The following POLD3 variants were observed in gnomAD, a reference collection of about 807,000 sequenced individuals.
POLD3 encodes the protein DNA polymerase delta 3, accessory subunit.
A neutral mutation model predicts 58.2 loss-of-function variants in POLD3; 19 were observed. The observed-to-expected ratio is 0.33, with a 90% CI of 0.23 to 0.48. The LOEUF is 0.48. Ranked by LOEUF, POLD3 falls within the 20% of genes least tolerant of loss-of-function variation. The probability of loss-of-function intolerance (pLI) is 0.99; values close to 1 mark genes in which losing one functional copy is unlikely to be tolerated. For missense variants in POLD3, 504 were observed against 545.5 expected, an observed-to-expected ratio of 0.92 and a Z score of 0.76; for synonymous variants, 172 against 193.5, an observed-to-expected ratio of 0.89 and a Z score of 0.92.
rs913761902 is a variant in POLD3, at chr11:74,656,547, A to G, written c.370-12230A>G. ...GGTTGCAGTGAGCCAAGATCACACC[A>G]TTGCACTCCAGCCTGGACGACAGAA... On this transcript the variant is annotated intron_variant, in intron 4 of 4. Transcript: ENST00000524752. 1.4e-4 allele frequency among the ~76,000 whole-genome samples: 21 copies of G among 151,898 alleles called. 1 individual carries two copies. Among genetic ancestry groups the G allele is most frequent in the African/African-American group, 4.4e-4 (18 of 41,328 alleles).
At chr11:74,644,340 C>T (rs2032974441), downstream of POLD3, among the ~76,000 whole-genome samples, 1 of 152,186 alleles carries the variant, frequency 6.6e-6, no homozygotes, top group Non-Finnish European at 1.5e-5. Flanking sequence ...TGCTGTAATG[C>T]AGCTTTTACC....
Position 74,611,678 on chromosome 11 carries a change from T to A in POLD3, c.259+140T>A, listed in dbSNP as rs1274454049. Reference sequence around the variant, plus strand: ...CCAATATTCATTTTATGAGTAGTTTTTAAAGCATGTTAAAATATGATACTA... The same window carrying A: ...CCAATATTCATTTTATGAGTAGTTTATAAAGCATGTTAAAATATGATACTA... On this transcript the variant is annotated intron_variant, in intron 4 of 11. Coordinates refer to ENST00000263681, the MANE Select transcript of POLD3 (RefSeq NM_006591.3). The A allele has an allele frequency of 5.0e-6, 3 of 604,032 alleles. No individual in the cohort carries two copies. In the African/African-American group the frequency reaches 6.0e-5, roughly 12 times the overall value. 37.4% of individuals were successfully genotyped at this position (604,032 alleles called of 1,614,324 possible). A position where few individuals can be genotyped will look rare whatever the true frequency, so the allele number is the denominator to read the frequency against.
chr11:74,618,815 T>C lies in POLD3; in HGVS notation c.660+11T>C. On this transcript the variant is annotated intron_variant, in intron 6 of 11. Coordinates refer to ENST00000263681, the MANE Select transcript of POLD3 (RefSeq NM_006591.3). The stretch of plus-strand genomic sequence containing the variant: ...AAAGAAGTAACAAATGTAAGTCTTC[T>C]TTGAAGATACCCCTTCATTGCAGCT... The C allele has an allele frequency of 6.2e-7, 1 of 1,603,886 alleles. No individual in the cohort carries two copies. Among genetic ancestry groups the C allele is most frequent in the Admixed American group, 1.7e-5 (1 of 59,604 alleles).
intron 9 of POLD3, among the ~76,000 whole-genome samples, chr11:74,632,150 A>G (rs567416199): frequency 6.6e-6 from 1 of 152,310 alleles, no homozygotes; most frequent in East Asian, 1.9e-4. Flanking sequence ...TAAGCAAATG[A>G]TCCCCATTTT....
intron 3 of POLD3, among the ~76,000 whole-genome samples, chr11:74,610,994 C>T (rs1356133087): frequency 2.6e-5 from 4 of 152,116 alleles, no homozygotes; most frequent in South Asian, 2.1e-4. Context: ...AGGGTGGTCT[C>T]AAACTCCTGA....
chr11:74,637,907 C>A (rs751602767), intron 11 of POLD3, among the ~76,000 whole-genome samples: 12 of 151,742 alleles, frequency 7.9e-5, no homozygotes, highest in Non-Finnish European at 1.6e-4. Flanking sequence ...TCTGCTCAGA[C>A]TGTTCCAAAT....
At chr11:74,659,587 G>C (rs1016203182) in intron 4 of POLD3, among the ~76,000 whole-genome samples, 11 of 152,140 alleles carry the variant, frequency 7.2e-5, no homozygotes, top group African/African-American at 2.7e-4. Flanking sequence ...CCTCTTGAAT[G>C]CTTTGCTGCT....
chr11:74,632,247 A>G (rs114887619), intron 9 of POLD3, among the ~76,000 whole-genome samples: 84 of 152,200 alleles, frequency 5.5e-4, no homozygotes, highest in African/African-American at 1.9e-3. Flanking sequence ...CTGCCAGAGA[A>G]CTCTTTGACA....
At position 74,618,574 on chromosome 11, in the gene POLD3, G is replaced by C. The variant is rs1473148774; in HGVS notation, c.430G>C (p.Ala144Pro). The change falls in exon 6 of 12, where the codon GCT becomes CCT. Residue 144 changes from alanine (A) to proline (P), a missense_variant. Ala to Pro is a conservative substitution (Grantham distance 27, BLOSUM62 -1). Coordinates refer to ENST00000263681, the MANE Select transcript of POLD3 (RefSeq NM_006591.3). ...ACAATGTGCAGCTGCCGTCCCTAGA[G>C]CTCCTGCTGAATCCTCTTCGTCTTC... Reference protein sequence around the residue: ...AIQCAAAVPRAPAESSSSSKK... With the variant: ...AIQCAAAVPRPPAESSSSSKK... 6.2e-7 allele frequency: 1 copy of C among 1,613,554 alleles called. No homozygotes were observed. Among genetic ancestry groups the C allele is most frequent in the East Asian group, 2.2e-5 (1 of 44,872 alleles).
chr11:74,615,494 T>C (rs1309223426), intron 5 of POLD3, among the ~76,000 whole-genome samples: 1 of 152,124 alleles, frequency 6.6e-6, no homozygotes, highest in East Asian at 1.9e-4. Context: ...TTCAGTGGAG[T>C]GACCAGATTC....
chr11:74,630,617 A>G (rs1591313499), intron 9 of POLD3, among the ~76,000 whole-genome samples: 1 of 152,318 alleles, frequency 6.6e-6, no homozygotes, highest in African/African-American at 2.4e-5. Flanking sequence ...TCATTTATCA[A>G]AATGCTTTGG....
At chr11:74,629,446 T>C in intron 9 of POLD3, 123 bp downstream of exon 9, 1 of 550,492 alleles carries the variant, frequency 1.8e-6, no homozygotes, top group Non-Finnish European at 3.2e-6. Flanking sequence ...AGAGACACCA[T>C]AGCACCTCTT....
chr11:74,637,435 C>CTTTTTTTTTTTTTTTTTTTTTTTTCTTT (rs5792663), intron 11 of POLD3, among the ~76,000 whole-genome samples: 1 of 115,476 alleles, frequency 8.7e-6, no homozygotes, highest in African/African-American at 3.4e-5. Context: ...CTTTTTCTTC[C>CTTTTTTTTTTTTTTTTTTTTTTTTCTTT]TTTTTTTTTT....
At chr11:74,620,571 GTGAAT>G (rs1390224914) in intron 7 of POLD3, among the ~76,000 whole-genome samples, 1 of 152,206 alleles carries the variant, frequency 6.6e-6, no homozygotes, top group African/African-American at 2.4e-5. Context: ...GACTTCCAGT[GTGAAT>G]TAGAAGGGCC....
intron 2 of POLD3, among the ~76,000 whole-genome samples, chr11:74,599,369 T>TA (rs2031399030): frequency 2.2e-4 from 1 of 4,554 alleles, no homozygotes; most frequent in Admixed American, 2.0e-3. Flanking sequence ...TCTCAAGTAA[T>TA]TTTTTTTTTT....
At chr11:74,592,756 G>A (rs950103443) in intron 1 of POLD3, 38 bp downstream of exon 1, 4 of 1,611,944 alleles carry the variant, frequency 2.5e-6, no homozygotes, top group African/African-American at 1.3e-5. Context: ...GCGTGCGACC[G>A]GGGTCCTGGG....
At chr11:74,607,708 A>G (rs1223065478) in intron 3 of POLD3, among the ~76,000 whole-genome samples, 2 of 151,674 alleles carry the variant, frequency 1.3e-5, no homozygotes, top group African/African-American at 4.8e-5. Flanking sequence ...CAACCCCCCA[A>G]GTAGCTGGGA....
chr11:74,607,632 A>T (rs2031735997), intron 3 of POLD3, among the ~76,000 whole-genome samples: 1 of 151,756 alleles, frequency 6.6e-6, no homozygotes, highest in African/African-American at 2.4e-5. Context: ...TCCAGGCTAT[A>T]GTGCAGTGGC....
Position 74,612,866 on chromosome 11 carries a change from G to A in POLD3, c.260-12G>A, listed in dbSNP as rs776535246. 4 of 1,601,854 alleles carry A rather than the reference G, an allele frequency of 2.5e-6. No homozygotes were observed. The African/African-American group carries it at 4.0e-5, about 16-fold the overall frequency. ...TGTGTATTAACTGACTGCTTTTCCT[G>A]TTGACTTGTAGCAGTGAAGTCCAAG... On this transcript the variant is annotated splice_polypyrimidine_tract_variant and intron_variant, in intron 4 of 11. Coordinates refer to ENST00000263681, the MANE Select transcript of POLD3 (RefSeq NM_006591.3).
Sources: gnomAD v4.1 joint callset for allele counts (sites outside exome capture counted in the v4.1 genomes callset) on GRCh38, gnomAD v4.1.1 for gene constraint, MANE v1.5 for transcripts, NCBI Gene and HGNC (gene_info 2026-07-23, HGNC 2026-07-21) for gene names.